The following SUFU variants were observed in gnomAD, a reference collection of about 807,000 sequenced individuals.
The protein encoded by SUFU is suppressor of fused homolog.
In SUFU, 7 loss-of-function variants were observed where a neutral mutation model predicts 58.9. That is an observed-to-expected ratio of 0.12 (90% CI 0.07 to 0.22). The LOEUF (loss-of-function observed/expected upper bound fraction) is 0.22. Among genes scored for constraint, SUFU ranks in the 10% least tolerant of loss-of-function variants. The pLI is 1.00. For synonymous variants in SUFU, 232 were observed against 254.8 expected, an observed-to-expected ratio of 0.91 and a Z score of 0.85; for missense variants, 451 against 641.3, an observed-to-expected ratio of 0.70 and a Z score of 3.20.
At chr10:102,623,280 T>C (rs2063757704) in intron 10 of SUFU, among the ~76,000 whole-genome samples, 1 of 152,224 alleles carries the variant, frequency 6.6e-6, no homozygotes, top group Non-Finnish European at 1.5e-5. Context: ...GCTAGAGAAC[T>C]GTCAAGATAT....
chr10:102,617,456 C>T lies in SUFU; in HGVS notation c.1296+28C>T, dbSNP rs1327253706. 9 of 1,614,014 alleles carry T rather than the reference C, an allele frequency of 5.6e-6. No homozygotes were observed. The African/African-American group carries it at 8.0e-5, about 14-fold the overall frequency. Reference sequence around the variant, plus strand: ...GAGAAGGCCCTTTTTCTTCTCCCTCCTTCCTTTCATAGACTTCCTTGCCCA... The same window carrying T: ...GAGAAGGCCCTTTTTCTTCTCCCTCTTTCCTTTCATAGACTTCCTTGCCCA... On this transcript the variant is annotated intron_variant, in intron 10 of 11. Coordinates refer to ENST00000369902, the MANE Select transcript of SUFU (RefSeq NM_016169.4). This position sits in a 1 kb window ranked among gnomAD's most constrained non-coding sequence, Gnocchi z 4.4.
At chr10:102,528,342 G>C (rs2062636154) in intron 2 of SUFU, among the ~76,000 whole-genome samples, 1 of 152,176 alleles carries the variant, frequency 6.6e-6, no homozygotes. Flanking sequence ...GGCCGAGGTA[G>C]GAGAACTGCT....
At chr10:102,582,677 C>G (rs1183118666) in intron 3 of SUFU, among the ~76,000 whole-genome samples, 2 of 151,972 alleles carry the variant, frequency 1.3e-5, no homozygotes, top group African/African-American at 4.8e-5. Context: ...GCATTTTTGG[C>G]GGGGAGGGGA....
chr10:102,613,729 ACT>A (rs2063650664), intron 8 of SUFU, among the ~76,000 whole-genome samples: 1 of 152,184 alleles, frequency 6.6e-6, no homozygotes, highest in Non-Finnish European at 1.5e-5. Context: ...TCAGTGGGTA[ACT>A]CTTATTTCTG....
chr10:102,570,770 C>T (rs1055609067), intron 3 of SUFU, among the ~76,000 whole-genome samples: 10 of 152,136 alleles, frequency 6.6e-5, no homozygotes, highest in Admixed American at 6.5e-4. Flanking sequence ...AAATTAGAAT[C>T]GTGGCTCCTC....
intron 3 of SUFU, chr10:102,573,200 G>A: frequency 5.4e-6 from 4 of 744,752 alleles, no homozygotes; most frequent in Middle Eastern, 2.7e-4. Context: ...AGGAGCAGGA[G>A]CTTCCTTCTT....
At chr10:102,614,035 G>GT (rs1488743180) in intron 8 of SUFU, among the ~76,000 whole-genome samples, 1 of 152,230 alleles carries the variant, frequency 6.6e-6, no homozygotes, top group East Asian at 1.9e-4. Context: ...AGTACAGATT[G>GT]TATCATCATC....
intron 8 of SUFU, among the ~76,000 whole-genome samples, chr10:102,614,039 C>T (rs2063655286): frequency 6.6e-6 from 1 of 152,236 alleles, no homozygotes; most frequent in African/African-American, 2.4e-5. Flanking sequence ...CAGATTGTAT[C>T]ATCATCTGGT....
chr10:102,528,967 T>C (rs115555051), intron 2 of SUFU, among the ~76,000 whole-genome samples: 3,444 of 145,974 alleles, frequency 0.024, 128 homozygotes, highest in African/African-American at 0.082. Flanking sequence ...CTTTCTTTTT[T>C]TTTTTTTTTT....
At chr10:102,516,707 C>T (rs1249303156) in intron 2 of SUFU, among the ~76,000 whole-genome samples, 2 of 151,872 alleles carry the variant, frequency 1.3e-5, no homozygotes, top group African/African-American at 4.8e-5. Flanking sequence ...GCCAACACGC[C>T]CAGCTAATTT....
Position 102,549,955 on chromosome 10 carries a change from T to G in SUFU, c.318-15T>G. On this transcript the variant is annotated splice_polypyrimidine_tract_variant and intron_variant, in intron 2 of 11. Transcript: ENST00000369902. ...GGTAATTGAGCTTAAAACACTTGCT[T>G]TTTATGTCTTTCAGGTTTACAGGAA... 1 of 1,614,132 alleles carries G rather than the reference T, an allele frequency of 6.2e-7. No homozygotes were observed. The highest frequency in any genetic ancestry group is 8.5e-7 in the Non-Finnish European group (1 of 1,180,000).
At position 102,629,064 on chromosome 10, in the gene SUFU, G is replaced by A. The variant is rs934096673; in HGVS notation, c.1366-1002G>A. Among the ~76,000 whole-genome samples the A allele has an allele frequency of 3.3e-5, 5 of 152,146 alleles. No individual in the cohort carries two copies. The highest frequency in any genetic ancestry group is 7.2e-5 in the African/African-American group (3 of 41,436). On this transcript the variant is annotated intron_variant, in intron 11 of 11. Coordinates refer to ENST00000369902, the MANE Select transcript of SUFU (RefSeq NM_016169.4). This position sits in a 1 kb window ranked among gnomAD's most constrained non-coding sequence, Gnocchi z 4.7. Reference sequence around the variant, plus strand: ...TCAGCTACTCGGGAGGCTGAGGCACGAGAATCGCTTGAACCCGGGAAGCAA... The same window carrying A: ...TCAGCTACTCGGGAGGCTGAGGCACAAGAATCGCTTGAACCCGGGAAGCAA...
chr10:102,615,618 G>A (rs1463760418), intron 9 of SUFU, among the ~76,000 whole-genome samples: 2 of 152,174 alleles, frequency 1.3e-5, no homozygotes, highest in African/African-American at 2.4e-5. Context: ...TCTCAGGGAG[G>A]GAGGAGAGCT....
intron 3 of SUFU, among the ~76,000 whole-genome samples, chr10:102,589,285 A>G (rs2063368748): frequency 6.6e-6 from 1 of 152,012 alleles, no homozygotes; most frequent in East Asian, 1.9e-4. Flanking sequence ...TAACTTTTGC[A>G]TATTGTTTTT....
chr10:102,533,757 G>T (rs2062704091), intron 2 of SUFU, among the ~76,000 whole-genome samples: 1 of 152,098 alleles, frequency 6.6e-6, no homozygotes, highest in African/African-American at 2.4e-5. Flanking sequence ...TCATGGATTA[G>T]ATTGAGCCCA....
intron 3 of SUFU, among the ~76,000 whole-genome samples, chr10:102,581,202 A>G (rs1324057842): frequency 9.0e-6 from 1 of 111,506 alleles, no homozygotes; most frequent in East Asian, 3.7e-4. Context: ...AAAAAAAAAA[A>G]AAAAAAAAAG....
chr10:102,606,413 A>G (rs1382366013), intron 8 of SUFU, among the ~76,000 whole-genome samples: 4 of 152,194 alleles, frequency 2.6e-5, no homozygotes, highest in African/African-American at 9.7e-5. Context: ...TTTATTGCGC[A>G]TCACCTTGTG....
intron 8 of SUFU, among the ~76,000 whole-genome samples, chr10:102,611,595 T>C (rs1209330922): frequency 1.3e-5 from 2 of 152,210 alleles, no homozygotes; most frequent in Non-Finnish European, 2.9e-5. Flanking sequence ...GCCATTGACA[T>C]TTTTACAGGA....
chr10:102,611,388 G>A (rs2135919308), intron 8 of SUFU, among the ~76,000 whole-genome samples: 1 of 152,336 alleles, frequency 6.6e-6, no homozygotes, highest in East Asian at 1.9e-4. Context: ...AGGCCTCAGT[G>A]TTTCTGTTGG....
Sources: gnomAD v4.1 joint callset for allele counts (sites outside exome capture counted in the v4.1 genomes callset) on GRCh38, gnomAD v4.1.1 for gene constraint, Gnocchi (gnomAD v3.1) non-coding constraint, MANE v1.5 for transcripts, NCBI Gene and HGNC (gene_info 2026-07-23, HGNC 2026-07-21) for gene names.